HYDIN: variants seen among roughly 807,000 people sequenced by gnomAD.
The protein encoded by HYDIN is axonemal central pair apparatus protein HYDIN.
A neutral mutation model predicts 403.9 loss-of-function variants in HYDIN; 132 were observed. That is an observed-to-expected ratio of 0.33 (90% CI 0.28 to 0.38). HYDIN has a LOEUF of 0.38. HYDIN is among the 10% of genes least tolerant of loss of function. The pLI, the probability that HYDIN is intolerant of heterozygous loss-of-function variation, is 1.00. For synonymous variants in HYDIN, 1,202 were observed against 1,891.7 expected, an observed-to-expected ratio of 0.64 and a Z score of 9.46; for missense variants, 2,827 against 5,009.5, an observed-to-expected ratio of 0.56 and a Z score of 13.15.
chr16:71,041,483 G>A (rs559761300), intron 18 of HYDIN, among the ~76,000 whole-genome samples: 20 of 152,300 alleles, frequency 1.3e-4, no homozygotes, highest in South Asian at 8.3e-4. Flanking sequence ...TAGGGGATTA[G>A]TTAAATCAAC....
intron 78 of HYDIN, among the ~76,000 whole-genome samples, chr16:70,835,092 G>A (rs1400540525): frequency 1.3e-5 from 2 of 150,088 alleles, no homozygotes; most frequent in Non-Finnish European, 3.0e-5. Context: ...CCGCCTCCTG[G>A]GTTCAAACAA....
chr16:71,195,698 G>A (rs546005472), intron 1 of HYDIN, among the ~76,000 whole-genome samples: 5 of 152,074 alleles, frequency 3.3e-5, no homozygotes, highest in Non-Finnish European at 7.4e-5. Context: ...TCTTCCCCTT[G>A]AAAAGCTTCT....
intron 37 of HYDIN, among the ~76,000 whole-genome samples, 199 bp from the exon 38 acceptor site, chr16:70,962,337 A>G (rs1355733822): frequency 5.3e-5 from 8 of 150,472 alleles, no homozygotes; most frequent in Non-Finnish European, 1.2e-4. Context: ...GTGTTTCTAC[A>G]TTTTAACATT....
At chr16:70,854,118 G>A (rs1224855828) in intron 73 of HYDIN, among the ~76,000 whole-genome samples, 1 of 151,900 alleles carries the variant, frequency 6.6e-6, no homozygotes, top group Non-Finnish European at 1.5e-5. Context: ...GACCTCAGGT[G>A]ATCCACCCGC....
At chr16:71,205,757 G>A (rs1168318469) in intron 1 of HYDIN, among the ~76,000 whole-genome samples, 9 of 152,288 alleles carry the variant, frequency 5.9e-5, no homozygotes, top group Non-Finnish European at 7.3e-5. Context: ...TCATTTTTGC[G>A]TGAACTCAGC....
chr16:71,110,243 T>C (rs57119994), intron 10 of HYDIN, among the ~76,000 whole-genome samples: 1 of 146,010 alleles, frequency 6.8e-6, no homozygotes, highest in African/African-American at 2.5e-5. Flanking sequence ...TGTGTGTATA[T>C]ATATATTATA....
At chr16:70,843,562 A>G (rs1234472219) in intron 75 of HYDIN, among the ~76,000 whole-genome samples, 3 of 142,058 alleles carry the variant, frequency 2.1e-5, no homozygotes, top group Non-Finnish European at 4.5e-5. Context: ...ATACCCAGTA[A>G]TGGGATGGCT....
At chr16:71,133,339 T>C (rs976539947) in intron 8 of HYDIN, 3 of 450,770 alleles carry the variant, frequency 6.7e-6, no homozygotes, top group African/African-American at 4.0e-5. Context: ...CTGTGATCAA[T>C]GTTACAAATG....
intron 6 of HYDIN, among the ~76,000 whole-genome samples, chr16:71,159,937 G>GA (rs917371889): frequency 1.5e-5 from 2 of 133,834 alleles, no homozygotes; most frequent in Non-Finnish European, 3.2e-5. Flanking sequence ...TAAGCCAGGA[G>GA]AAATAGGATA....
chr16:71,161,657 G>C (rs2086006160), intron 6 of HYDIN, among the ~76,000 whole-genome samples: 1 of 151,948 alleles, frequency 6.6e-6, no homozygotes, highest in African/African-American at 2.4e-5. Flanking sequence ...AAAAGCCCTT[G>C]TTGGTTACAC....
intron 36 of HYDIN, among the ~76,000 whole-genome samples, chr16:70,968,521 C>A (rs543917151): frequency 6.6e-6 from 1 of 151,804 alleles, no homozygotes; most frequent in Non-Finnish European, 1.5e-5. Flanking sequence ...GGAGGCCTTG[C>A]GGAGAGCCAG....
intron 18 of HYDIN, among the ~76,000 whole-genome samples, chr16:71,046,973 G>C (rs1397604051): frequency 1.3e-5 from 2 of 151,840 alleles, no homozygotes; most frequent in African/African-American, 4.8e-5. Context: ...AATTTTTATG[G>C]GGGAGAGAAG....
chr16:71,161,945 G>A (rs1402509321), intron 6 of HYDIN, among the ~76,000 whole-genome samples: 2 of 142,336 alleles, frequency 1.4e-5, no homozygotes. Flanking sequence ...CTTATGAAGT[G>A]GCTGGTATAC....
chr16:70,837,600 G>C, intron 77 of HYDIN, 90 bp downstream of exon 77: 1 of 1,228,550 alleles, frequency 8.1e-7, no homozygotes, highest in South Asian at 1.4e-5. Flanking sequence ...CAGAGGGGCT[G>C]GAAGGGTGAA....
At chr16:70,870,139 C>T (rs1398764732) in intron 65 of HYDIN, among the ~76,000 whole-genome samples, 7 of 151,554 alleles carry the variant, frequency 4.6e-5, no homozygotes, top group South Asian at 2.1e-4. Flanking sequence ...AGCAGCAAGA[C>T]GTTCAAGAGG....
intron 84 of HYDIN, among the ~76,000 whole-genome samples, chr16:70,810,318 G>A (rs2035396819): frequency 2.6e-5 from 4 of 152,214 alleles, no homozygotes; most frequent in African/African-American, 4.8e-5. Context: ...GAGGGCTGAA[G>A]CTTAGGCAGC....
intron 1 of HYDIN, among the ~76,000 whole-genome samples, chr16:71,202,005 T>C (rs997854065): frequency 1.3e-5 from 2 of 152,392 alleles, no homozygotes; most frequent in East Asian, 3.9e-4. Context: ...AATATGCTAA[T>C]TTAAACATGG....
chr16:71,196,463 A>G (rs1375762060), intron 1 of HYDIN, among the ~76,000 whole-genome samples: 1 of 151,722 alleles, frequency 6.6e-6, no homozygotes, highest in East Asian at 1.9e-4. Context: ...TCAGGCCTAC[A>G]GATGCAAACT....
intron 23 of HYDIN, among the ~76,000 whole-genome samples, chr16:70,994,362 C>G (rs908580665): frequency 6.6e-6 from 1 of 151,832 alleles, no homozygotes; most frequent in Admixed American, 6.6e-5. Flanking sequence ...AGAGGGTAAT[C>G]TGACTATTCT....
Sources: allele counts gnomAD v4.1 joint callset (sites outside exome capture counted in the v4.1 genomes callset), GRCh38; gene constraint gnomAD v4.1.1; transcripts MANE v1.5; gene names NCBI Gene and HGNC (gene_info 2026-07-23, HGNC 2026-07-21).